Variants in SPIRE1 observed in about 807,000 individuals in gnomAD.
The protein encoded by SPIRE1 is protein spire homolog 1.
Under a neutral mutation model 94.1 loss-of-function variants are expected in SPIRE1, and 40 were observed. The ratio of observed to expected loss-of-function variants is 0.43; its 90% CI spans 0.33 to 0.55. The LOEUF is 0.55. Among genes scored for constraint, SPIRE1 ranks in the 20% least tolerant of loss-of-function variants. The pLI, the probability that SPIRE1 is intolerant of heterozygous loss-of-function variation, is 0.06. For missense variants in SPIRE1, 838 were observed against 975.2 expected (o/e 0.86, Z 1.87); for synonymous variants, 376 against 371.7 (o/e 1.01, Z -0.13).
intron 14 of SPIRE1, 52 bp from the exon 15 acceptor site, chr18:12,452,564 G>T: frequency 1.9e-6 from 3 of 1,584,104 alleles, no homozygotes; most frequent in Non-Finnish European, 2.6e-6. Context: ...GGACGCAACT[G>T]GGAGTTAGAG....
At chr18:12,638,971 C>T (rs2038010602) in intron 1 of SPIRE1, among the ~76,000 whole-genome samples, 1 of 152,138 alleles carries the variant, frequency 6.6e-6, no homozygotes, top group Admixed American at 6.5e-5. Flanking sequence ...ATTACCCAGT[C>T]TCAGGTAGTT....
At chr18:12,568,470 T>C (rs2035872984) in intron 2 of SPIRE1, among the ~76,000 whole-genome samples, 1 of 152,190 alleles carries the variant, frequency 6.6e-6, no homozygotes, top group African/African-American at 2.4e-5. Flanking sequence ...CATCTGTCCA[T>C]CCTCTTGCTC....
intron 2 of SPIRE1, among the ~76,000 whole-genome samples, chr18:12,550,159 C>CT (rs2035308256): frequency 6.6e-6 from 1 of 152,160 alleles, no homozygotes; most frequent in Non-Finnish European, 1.5e-5. Context: ...CCCCACTCTC[C>CT]TAACCCCTCA....
intron 2 of SPIRE1, among the ~76,000 whole-genome samples, chr18:12,587,630 C>T (rs1013714708): frequency 1.3e-5 from 2 of 152,150 alleles, no homozygotes; most frequent in African/African-American, 4.8e-5. Context: ...GAGGGAGGAT[C>T]TGGTACTCCA....
At chr18:12,465,028 T>G in intron 10 of SPIRE1, 70 bp from the exon 11 acceptor site, 1 of 1,331,812 alleles carries the variant, frequency 7.5e-7, no homozygotes, top group Non-Finnish European at 1.1e-6. Flanking sequence ...AATAACATTT[T>G]ATTATTAAAC....
intron 4 of SPIRE1, among the ~76,000 whole-genome samples, chr18:12,528,068 A>AC (rs1241038524): frequency 6.6e-6 from 1 of 151,966 alleles, no homozygotes; most frequent in Non-Finnish European, 1.5e-5. Flanking sequence ...AAAAAAAAAA[A>AC]AAAAGTTAAA....
chr18:12,638,585 G>A (rs1378155547), intron 1 of SPIRE1, among the ~76,000 whole-genome samples: 3 of 152,156 alleles, frequency 2.0e-5, no homozygotes, highest in Non-Finnish European at 4.4e-5. Context: ...ATGTATGTTG[G>A]TGTGGTTTTC....
At chr18:12,575,982 T>A (rs2036083366) in intron 2 of SPIRE1, among the ~76,000 whole-genome samples, 1 of 152,254 alleles carries the variant, frequency 6.6e-6, no homozygotes, top group East Asian at 1.9e-4. Flanking sequence ...GGCGGGCAGA[T>A]CACCTGAGGT....
rs886768318 is a variant in SPIRE1 at position 12,613,366 on chromosome 18, G to A, written c.372+21696C>T. ...CCAGACCCTTTGACATGCTGCTCCC[G>A]GCTCCCCACTAAGCCTCATAATTTT... is the stretch of plus-strand genomic sequence containing the variant. On this transcript the variant is annotated intron_variant, in intron 2 of 16. Transcript: ENST00000409402. Among the ~76,000 whole-genome samples the A allele has an allele frequency of 4.6e-5, 7 of 152,148 alleles. No homozygotes were observed. In the South Asian group the frequency reaches 8.3e-4, roughly 18 times the overall value.
chr18:12,526,786 T>C (rs2034535990), intron 4 of SPIRE1, among the ~76,000 whole-genome samples: 1 of 152,100 alleles, frequency 6.6e-6, no homozygotes, highest in African/African-American at 2.4e-5. Flanking sequence ...CTTGGCTCAC[T>C]GTGACCTCTG....
At chr18:12,578,454 A>G (rs1042843246) in intron 2 of SPIRE1, among the ~76,000 whole-genome samples, 3 of 152,184 alleles carry the variant, frequency 2.0e-5, no homozygotes, top group Non-Finnish European at 4.4e-5. Flanking sequence ...CAAAAAACAC[A>G]TTCTGTATAG....
intron 10 of SPIRE1, among the ~76,000 whole-genome samples, chr18:12,472,324 GT>G (rs1178866148): frequency 6.6e-6 from 1 of 150,380 alleles, no homozygotes; most frequent in Non-Finnish European, 1.5e-5. Context: ...CTAACACAGG[GT>G]TAGCTCAATA....
chr18:12,539,901 T>A (rs2034963106), intron 3 of SPIRE1, among the ~76,000 whole-genome samples: 2 of 143,798 alleles, frequency 1.4e-5, no homozygotes, highest in African/African-American at 2.6e-5. Flanking sequence ...CACTCCAGCC[T>A]GGGCAACAGA....
rs891107895 is a variant in SPIRE1, at chr18:12,462,848, G to GA, written c.1638+502dup. ...CTTTCAACCACTGATAAATTTTCTT[G>GA]AAAAAAAAAAAGAGCTCAAAATGAA... On this transcript the variant is annotated intron_variant, in intron 12 of 16. Transcript: ENST00000409402. Among the ~76,000 whole-genome samples, 335 of 143,498 alleles carry GA rather than the reference G, an allele frequency of 2.3e-3. 4 individuals are homozygous for GA. The East Asian group carries it at 0.039, about 17-fold the overall frequency. 94.1% of individuals were successfully genotyped at this position (143,498 alleles called of 152,430 possible).
At chr18:12,584,072 G>T (rs560356671) in intron 2 of SPIRE1, among the ~76,000 whole-genome samples, 4 of 152,052 alleles carry the variant, frequency 2.6e-5, no homozygotes, top group African/African-American at 9.7e-5. Flanking sequence ...ACACAGAAAG[G>T]TTAATATAAA....
rs141695951 is a variant in SPIRE1 at position 12,616,544 on chromosome 18, G to A, written c.372+18518C>T. ...AGAAAGTTGAAGAATTTTTAAAAGGGAATTTTGATAATTTTAGTAAGTGTT... is the reference window on the plus strand; with the variant it reads ...AGAAAGTTGAAGAATTTTTAAAAGGAAATTTTGATAATTTTAGTAAGTGTT... On this transcript the variant is annotated intron_variant, in intron 2 of 16. Transcript: ENST00000409402. Among the ~76,000 whole-genome samples the A allele has an allele frequency of 4.7e-3, 721 of 152,312 alleles. 3 individuals carry two copies. In the Middle Eastern group the frequency reaches 0.048, roughly 10 times the overall value.
At chr18:12,639,322 C>T (rs1022948964) in intron 1 of SPIRE1, among the ~76,000 whole-genome samples, 1 of 152,038 alleles carries the variant, frequency 6.6e-6, no homozygotes, top group Non-Finnish European at 1.5e-5. Flanking sequence ...GGATTCATTC[C>T]TTAGGTCTGG....
In SPIRE1 at chr18:12,465,055, G is replaced by A. The variant is rs1490008596; in HGVS notation, c.1405-97C>T. ...TTATTAAACAGTTATTTTAACATGAGGCACCAAAGTATGTCAAAGGTTCAA... is the reference window on the plus strand; with the variant it reads ...TTATTAAACAGTTATTTTAACATGAAGCACCAAAGTATGTCAAAGGTTCAA... On this transcript the variant is annotated intron_variant, in intron 10 of 16. Transcript: ENST00000409402. The A allele has an allele frequency of 3.9e-6, 4 of 1,037,190 alleles. No individual in the cohort carries two copies. In the Admixed American group the frequency reaches 9.0e-5, roughly 23 times the overall value. 64.2% of individuals were successfully genotyped at this position (1,037,190 alleles called of 1,614,324 possible).
At chr18:12,609,815 CT>C (rs1047335299) in intron 2 of SPIRE1, among the ~76,000 whole-genome samples, 10 of 152,198 alleles carry the variant, frequency 6.6e-5, no homozygotes, top group African/African-American at 1.9e-4. Flanking sequence ...TCCCCATCTT[CT>C]ATGCCTACTG....
Sources: allele counts gnomAD v4.1 joint callset (sites outside exome capture counted in the v4.1 genomes callset), GRCh38; gene constraint gnomAD v4.1.1; transcripts MANE v1.5; gene names NCBI Gene and HGNC (gene_info 2026-07-23, HGNC 2026-07-21).